MGAT5: variants seen among roughly 807,000 people sequenced by gnomAD.
MGAT5 encodes the protein alpha-1,6-mannosylglycoprotein 6-beta-N-acetylglucosaminyltransferase A.
Under a neutral mutation model 94.3 loss-of-function variants are expected in MGAT5, and 30 were observed. The observed-to-expected ratio is 0.32, with a 90% CI of 0.24 to 0.43. The LOEUF is 0.43. Among genes scored for constraint, MGAT5 ranks in the 20% least tolerant of loss-of-function variants. MGAT5 has a pLI of 1.00. For missense variants in MGAT5, 691 were observed against 905.5 expected, an observed-to-expected ratio of 0.76 and a Z score of 3.04; for synonymous variants, 310 against 322.9, an observed-to-expected ratio of 0.96 and a Z score of 0.43.
intron 14 of MGAT5, among the ~76,000 whole-genome samples, chr2:134,432,513 T>C (rs1050558237): frequency 4.6e-5 from 7 of 152,154 alleles, no homozygotes; most frequent in Admixed American, 3.9e-4. Context: ...AGGTGACAGA[T>C]TGCAAGGAAA....
chr2:134,277,553 C>T lies in MGAT5; in HGVS notation c.406+7003C>T, dbSNP rs1457700453. On this transcript the variant is annotated intron_variant, in intron 2 of 15. Transcript: ENST00000281923. ...GCCCCCATAATCCATTCACCTCCCA[C>T]CAGCTCCCTCCCCTGACATGGGATT... Among the ~76,000 whole-genome samples, 4 of 151,978 alleles carry T rather than the reference C, an allele frequency of 2.6e-5. No individual in the cohort carries two copies. The South Asian group carries it at 8.3e-4, about 32-fold the overall frequency.
intron 1 of MGAT5, among the ~76,000 whole-genome samples, chr2:134,140,836 G>T (rs1188673794): frequency 6.6e-6 from 1 of 152,212 alleles, no homozygotes; most frequent in Non-Finnish European, 1.5e-5. Context: ...GCACGGAGAG[G>T]TTAAGTAATT....
chr2:134,407,540 T>A (rs1683412320), intron 11 of MGAT5, among the ~76,000 whole-genome samples: 2 of 152,236 alleles, frequency 1.3e-5, no homozygotes, highest in South Asian at 2.1e-4. Flanking sequence ...GACACTTGAT[T>A]GCTGGAAAGA....
intron 13 of MGAT5, among the ~76,000 whole-genome samples, chr2:134,423,401 T>G (rs1684406541): frequency 6.6e-6 from 1 of 152,244 alleles, no homozygotes; most frequent in Admixed American, 6.5e-5. Flanking sequence ...AACAGACATT[T>G]GTGAGGTACC....
At chr2:134,136,769 A>ACTGCTC (rs1313689688) in intron 1 of MGAT5, among the ~76,000 whole-genome samples, 13 of 152,096 alleles carry the variant, frequency 8.5e-5, no homozygotes, top group Admixed American at 7.2e-4. Context: ...CTGCACACCC[A>ACTGCTC]CTGCTCCCCT....
intron 10 of MGAT5, among the ~76,000 whole-genome samples, chr2:134,396,384 A>T (rs1682707674): frequency 6.6e-6 from 1 of 152,074 alleles, no homozygotes; most frequent in Non-Finnish European, 1.5e-5. Context: ...TCTTTGTTGA[A>T]TTTTAGACTT....
chr2:134,185,097 A>G (rs1409856328), intron 1 of MGAT5, among the ~76,000 whole-genome samples: 1 of 152,170 alleles, frequency 6.6e-6, no homozygotes, highest in Non-Finnish European at 1.5e-5. Context: ...GTGAGGATGC[A>G]AAGGCATAAG....
At chr2:134,134,101 G>A (rs1187684955) in intron 1 of MGAT5, among the ~76,000 whole-genome samples, 1 of 152,100 alleles carries the variant, frequency 6.6e-6, no homozygotes, top group African/African-American at 2.4e-5. Context: ...CAGGGAAGCG[G>A]GCCAAGGTGC....
At chr2:134,437,285 T>C (rs2010917) in intron 14 of MGAT5, among the ~76,000 whole-genome samples, 44,569 of 152,128 alleles carry the variant, frequency 0.29, 7,581 homozygotes, top group African/African-American at 0.47. Context: ...CCACCCTGCC[T>C]GGCCTCTAGC....
chr2:134,126,673 G>A (rs1401873582), intron 1 of MGAT5, among the ~76,000 whole-genome samples: 1 of 152,166 alleles, frequency 6.6e-6, no homozygotes, highest in Non-Finnish European at 1.5e-5. Context: ...CTTTCCTTTA[G>A]TGAAGCTATT....
At position 134,145,780 on chromosome 2, in the gene MGAT5, T is replaced by C. The variant is rs950906505; in HGVS notation, c.-143+25489T>C. Among the ~76,000 whole-genome samples, 3 of 152,226 alleles carry C rather than the reference T, an allele frequency of 2.0e-5. No homozygotes were observed. In the East Asian group the frequency reaches 5.8e-4, roughly 29 times the overall value. On this transcript the variant is annotated intron_variant, in intron 1 of 16. Coordinates refer to the MGAT5 transcript ENST00000409645. ...AGAGGTGCTAATCTATCTGGTGAGG[T>C]TGTGGGAAAAATTAATGAAACACAT...
At chr2:134,359,602 C>T (rs1032544917) in intron 9 of MGAT5, among the ~76,000 whole-genome samples, 1 of 152,142 alleles carries the variant, frequency 6.6e-6, no homozygotes, top group East Asian at 1.9e-4. Context: ...TCCTGCATCC[C>T]GTTTATGATG....
chr2:134,236,945 T>G (rs775457270), intron 1 of MGAT5, among the ~76,000 whole-genome samples: 2 of 152,216 alleles, frequency 1.3e-5, no homozygotes, highest in Non-Finnish European at 2.9e-5. Flanking sequence ...CACCCTTTTA[T>G]ATAGTTTTCA....
At position 134,441,648 on chromosome 2, in the gene MGAT5, G is replaced by A. The variant is rs1185568365; in HGVS notation, c.1870-110G>A. 52 of 1,312,608 alleles carry A rather than the reference G, an allele frequency of 4.0e-5. 1 individual carries two copies. Among genetic ancestry groups the A allele is most frequent in the South Asian group, 2.2e-4 (16 of 71,312 alleles). The allele number at this position is 1,312,608 out of a possible 1,614,324, so 81.3% of individuals were successfully genotyped here. ...TCCATGTGGCTCCCAACTCTTCCCC[G>A]TCCCTGTGCTCTCCCAGTGTGCCGC... On this transcript the variant is annotated intron_variant, in intron 14 of 15. Coordinates refer to ENST00000281923, the MANE Select transcript of MGAT5 (RefSeq NM_002410.5).
chr2:134,281,672 C>G (rs184639373), intron 2 of MGAT5, among the ~76,000 whole-genome samples: 1 of 152,278 alleles, frequency 6.6e-6, no homozygotes, highest in East Asian at 1.9e-4. Flanking sequence ...CAAACTTAAG[C>G]AGATCCAGAA....
intron 1 of MGAT5, among the ~76,000 whole-genome samples, chr2:134,186,730 G>T (rs928715166): frequency 1.3e-5 from 2 of 152,154 alleles, no homozygotes; most frequent in African/African-American, 2.4e-5. Context: ...GTATAACCGA[G>T]TCAGTGATGG....
chr2:134,302,543 C>G (rs1442106337), intron 2 of MGAT5, among the ~76,000 whole-genome samples: 1 of 152,120 alleles, frequency 6.6e-6, no homozygotes. Flanking sequence ...AATGTCCTTT[C>G]CCTTTCAACC....
Position 134,178,694 on chromosome 2 carries a change from A to G in MGAT5, c.-143+58403A>G, listed in dbSNP as rs76048780. On this transcript the variant is annotated intron_variant, in intron 1 of 16. Coordinates refer to the MGAT5 transcript ENST00000409645. ...TGCAAAGGAAGATAAGTCGAGGAGTAAGAGATTGCTCTAGGGAAAGAACTT... is the reference window on the plus strand; with the variant it reads ...TGCAAAGGAAGATAAGTCGAGGAGTGAGAGATTGCTCTAGGGAAAGAACTT... 3.4e-3 allele frequency among the ~76,000 whole-genome samples: 525 copies of G among 152,324 alleles called. 4 individuals are homozygous for G. The highest frequency in any genetic ancestry group is 0.012 in the African/African-American group (511 of 41,578).
chr2:134,285,258 C>CT (rs144222719), intron 2 of MGAT5, among the ~76,000 whole-genome samples: 14,533 of 151,238 alleles, frequency 0.096, 826 homozygotes, highest in South Asian at 0.25. Flanking sequence ...TCAATGACAG[C>CT]TTTTTTTTTC....
Sources: gnomAD v4.1 joint callset for allele counts (sites outside exome capture counted in the v4.1 genomes callset) on GRCh38, gnomAD v4.1.1 for gene constraint, MANE v1.5 for transcripts, NCBI Gene and HGNC (gene_info 2026-07-23, HGNC 2026-07-21) for gene names.